Variants in KCNK9 observed in about 807,000 individuals in gnomAD.
KCNK9 encodes the protein potassium two pore domain channel subfamily K member 9.
Under a neutral mutation model 10.8 loss-of-function variants are expected in KCNK9, and 1 was observed. The observed-to-expected ratio is 0.09, with a 90% CI of 0.03 to 0.44. The LOEUF (loss-of-function observed/expected upper bound fraction) is 0.44. Ranked by LOEUF, KCNK9 falls within the 20% of genes least tolerant of loss-of-function variation. The pLI is 0.97. For synonymous variants in KCNK9, 231 were observed against 222.7 expected, an observed-to-expected ratio of 1.04 and a Z score of -0.33; for missense variants, 303 against 515.0, an observed-to-expected ratio of 0.59 and a Z score of 3.98.
At chr8:139,646,020 T>C (rs1427848313) in intron 1 of KCNK9, among the ~76,000 whole-genome samples, 5 of 152,214 alleles carry the variant, frequency 3.3e-5, no homozygotes, top group Non-Finnish European at 7.4e-5. Flanking sequence ...CTGGGGATGA[T>C]GGCAGCTTCC....
intron 1 of KCNK9, among the ~76,000 whole-genome samples, chr8:139,672,297 T>C (rs1219376683): frequency 1.3e-5 from 2 of 152,104 alleles, no homozygotes; most frequent in South Asian, 4.1e-4. Context: ...AACGATTCCT[T>C]CCTTGGACTG....
rs1395237082 is a variant in KCNK9 at position 139,631,712 on chromosome 8, AGTACAGAGGGAAAAATAT to A, written c.284-12631_284-12614del. Among the ~76,000 whole-genome samples, 72 of 152,286 alleles carry A rather than the reference AGTACAGAGGGAAAAATAT, an allele frequency of 4.7e-4. 2 individuals carry two copies. The highest frequency in any genetic ancestry group is 1.3e-4 in the Non-Finnish European group (9 of 68,032). On this transcript the variant is annotated intron_variant, in intron 1 of 1. Coordinates refer to ENST00000520439, the MANE Select transcript of KCNK9 (RefSeq NM_001282534.2). ...AAACAAGCCTAAATTTAAAAAACAA[AGTACAGAGGGAAAAATAT>A]ATATAAAATGTGGCTGACTTTTGAA...
chr8:139,665,616 C>G (rs947397142), intron 1 of KCNK9, among the ~76,000 whole-genome samples: 1 of 152,198 alleles, frequency 6.6e-6, no homozygotes, highest in Non-Finnish European at 1.5e-5. Flanking sequence ...GCCCACCTGC[C>G]GGAAGAGCTT....
At chr8:139,655,972 G>T (rs542826732) in intron 1 of KCNK9, among the ~76,000 whole-genome samples, 58 of 152,272 alleles carry the variant, frequency 3.8e-4, no homozygotes, top group African/African-American at 1.3e-3. Context: ...GCCCCTGCAG[G>T]GATCAGGTAA....
intron 1 of KCNK9, among the ~76,000 whole-genome samples, chr8:139,656,088 C>A (rs916978420): frequency 2.6e-5 from 4 of 152,192 alleles, no homozygotes; most frequent in Admixed American, 2.6e-4. Context: ...CTCTGTGTCA[C>A]CCCTCCTCAT....
At chr8:139,700,532 A>ACGCGCGCG (rs1563757395) in intron 1 of KCNK9, among the ~76,000 whole-genome samples, 1 of 124,910 alleles carries the variant, frequency 8.0e-6, no homozygotes, top group African/African-American at 3.2e-5. Flanking sequence ...ACACACACAC[A>ACGCGCGCG]CACACACGCG....
At chr8:139,623,064 G>T (rs982590519) in intron 1 of KCNK9, among the ~76,000 whole-genome samples, 3 of 152,198 alleles carry the variant, frequency 2.0e-5, no homozygotes, top group African/African-American at 4.8e-5. Flanking sequence ...CCACACCTAT[G>T]TATATGCTGC....
At chr8:139,695,305 C>G (rs1020645209) in intron 1 of KCNK9, among the ~76,000 whole-genome samples, 1 of 152,092 alleles carries the variant, frequency 6.6e-6, no homozygotes, top group East Asian at 1.9e-4. Flanking sequence ...TGATGGTCAG[C>G]TCTCCCTGAA....
chr8:139,634,785 C>A (rs1815288331), intron 1 of KCNK9, among the ~76,000 whole-genome samples: 1 of 152,150 alleles, frequency 6.6e-6, no homozygotes, highest in African/African-American at 2.4e-5. Flanking sequence ...GAAGGGGAAT[C>A]CTTGGCTTGA....
intron 1 of KCNK9, among the ~76,000 whole-genome samples, chr8:139,679,145 C>T (rs568333627): frequency 1.8e-4 from 28 of 152,336 alleles, no homozygotes; most frequent in East Asian, 7.7e-4. Flanking sequence ...AAAACAACAA[C>T]GGGCCCAGCT....
chr8:139,657,532 G>A (rs957582015), intron 1 of KCNK9, among the ~76,000 whole-genome samples: 7 of 152,046 alleles, frequency 4.6e-5, no homozygotes, highest in African/African-American at 2.4e-5. Flanking sequence ...GTGAGCTTCC[G>A]GCACTGGCTC....
At chr8:139,662,181 C>T (rs1472410740) in intron 1 of KCNK9, among the ~76,000 whole-genome samples, 1 of 152,226 alleles carries the variant, frequency 6.6e-6, no homozygotes, top group Admixed American at 6.5e-5. Context: ...CCTCCCCATC[C>T]TCCTGAGGCC....
At chr8:139,650,848 C>A (rs941113701) in intron 1 of KCNK9, among the ~76,000 whole-genome samples, 1 of 152,100 alleles carries the variant, frequency 6.6e-6, no homozygotes, top group African/African-American at 2.4e-5. Flanking sequence ...CATCGTCATT[C>A]GGGGATTCTG....
chr8:139,660,950 C>A (rs1047017626), intron 1 of KCNK9, among the ~76,000 whole-genome samples: 2 of 152,210 alleles, frequency 1.3e-5, no homozygotes, highest in Non-Finnish European at 2.9e-5. Flanking sequence ...CCTCAACCCC[C>A]AGCTTGTGAC....
chr8:139,701,691 CCA>C (rs1343131909), intron 1 of KCNK9, among the ~76,000 whole-genome samples: 2 of 152,184 alleles, frequency 1.3e-5, no homozygotes, highest in African/African-American at 2.4e-5. Flanking sequence ...GGCAAGTGAA[CCA>C]CAGAGACACC....
rs150374302 is a variant in KCNK9 at position 139,663,961 on chromosome 8, G to A, written c.283+38749C>T. ...AGAAGAAATTGCGAAATAACACATC[G>A]GGGCCTGACACTCTGTGCCAAGTCC... On this transcript the variant is annotated intron_variant, in intron 1 of 1. Coordinates refer to ENST00000520439, the MANE Select transcript of KCNK9 (RefSeq NM_001282534.2). Among the ~76,000 whole-genome samples the A allele has an allele frequency of 2.7e-3, 411 of 152,268 alleles. 4 individuals are homozygous for A. The highest frequency in any genetic ancestry group is 9.4e-3 in the African/African-American group (392 of 41,536).
intron 1 of KCNK9, among the ~76,000 whole-genome samples, chr8:139,692,945 C>T (rs1198543350): frequency 1.3e-5 from 2 of 151,808 alleles, no homozygotes; most frequent in Middle Eastern, 3.2e-3. Context: ...TCAATACCAC[C>T]CAGCTCACCC....
chr8:139,674,602 C>A (rs2129743988), intron 1 of KCNK9, among the ~76,000 whole-genome samples: 1 of 152,322 alleles, frequency 6.6e-6, no homozygotes, highest in South Asian at 2.1e-4. Context: ...GGACTCCAAC[C>A]CAAGACCTCA....
At chr8:139,630,937 G>A (rs907312992) in intron 1 of KCNK9, among the ~76,000 whole-genome samples, 3 of 152,242 alleles carry the variant, frequency 2.0e-5, no homozygotes, top group African/African-American at 7.2e-5. Context: ...AGAAAGTGTT[G>A]CCAGGAAGGA....
Sources: allele counts gnomAD v4.1 joint callset (sites outside exome capture counted in the v4.1 genomes callset), GRCh38; gene constraint gnomAD v4.1.1; transcripts MANE v1.5; gene names NCBI Gene and HGNC (gene_info 2026-07-23, HGNC 2026-07-21).